Variants in ITFG2 observed in about 807,000 individuals in gnomAD.
ITFG2 encodes the protein integrin alpha FG-GAP repeat containing 2, also known as KICSTOR complex protein ITFG2.
Under a neutral mutation model 54.4 loss-of-function variants are expected in ITFG2, and 36 were observed. The ratio of observed to expected loss-of-function variants is 0.66; its 90% CI spans 0.51 to 0.87. The LOEUF is 0.87. ITFG2 is among the 40% of genes least tolerant of loss of function. The pLI is 0.00. For missense variants in ITFG2, 524 were observed against 576.7 expected (o/e 0.91, Z 0.94); for synonymous variants, 211 against 225.4 (o/e 0.94, Z 0.57).
chr12:2,859,190 G>A, intron 3 of ITFG2: 1 of 1,610,854 alleles, frequency 6.2e-7, no homozygotes, highest in East Asian at 2.2e-5. Context: ...GGTCAGAGGA[G>A]TCTGCTGGGA....
rs2097945656 is a variant in ITFG2, at chr12:2,821,781, C to T, written c.937C>T (p.Leu313=). The stretch of plus-strand genomic sequence containing the variant: ...TCACCAGCTCTTTGCCCTGGAGAAA[C>T]TGGATGTCACCGTGAGTGGAAAACC... ...VDHQLFALEK[L]DVTGNGHEEV... The change falls in exon 9 of 12, where the codon CTG becomes TTG. Residue 313 remains leucine (L), a synonymous_variant. Transcript: ENST00000228799. The T allele has an allele frequency of 6.2e-7, 1 of 1,613,610 alleles. No individual in the cohort carries two copies. The highest frequency in any genetic ancestry group is 8.5e-7 in the Non-Finnish European group (1 of 1,179,582).
intron 2 of ITFG2, among the ~76,000 whole-genome samples, chr12:2,842,468 G>T (rs1034822876): frequency 4.0e-5 from 6 of 151,894 alleles, no homozygotes; most frequent in Non-Finnish European, 8.8e-5. Context: ...TAGGCCGGGT[G>T]TGGTGGCTCA....
intron 2 of ITFG2, chr12:2,817,655 A>G (rs950429793): frequency 3.8e-6 from 2 of 524,186 alleles, no homozygotes; most frequent in Non-Finnish European, 6.7e-6. Flanking sequence ...GCCTAGCTCT[A>G]TTAAATACAG....
At chr12:2,821,413 G>A in intron 7 of ITFG2, 54 bp downstream of exon 7, 1 of 1,551,186 alleles carries the variant, frequency 6.4e-7, no homozygotes, top group Non-Finnish European at 8.8e-7. Flanking sequence ...GTCAGTTCTG[G>A]AGGAGTGGAG....
rs2098051578 is a variant in ITFG2, at chr12:2,845,652, G to T, written n.300+4657G>T. On this transcript the variant is annotated intron_variant and non_coding_transcript_variant, in intron 2 of 3. Transcript: ENST00000537710. The surrounding 1 kb of genome is among the most constrained non-coding windows in gnomAD (Gnocchi z 4.2). The stretch of plus-strand genomic sequence containing the variant: ...GGGGAGTGAAGTATGTGGGGGAAAG[G>T]GGTGTCCATACCTTCACCCCTGCCT... 6.6e-6 allele frequency among the ~76,000 whole-genome samples: 1 copy of T among 152,130 alleles called. No individual in the cohort carries two copies. Among genetic ancestry groups the T allele is most frequent in the Non-Finnish European group, 1.5e-5 (1 of 68,034 alleles).
chr12:2,821,994 T>G (rs1489849885), intron 9 of ITFG2, among the ~76,000 whole-genome samples: 5 of 150,622 alleles, frequency 3.3e-5, no homozygotes, highest in African/African-American at 1.2e-4. Flanking sequence ...AGTGGCATGA[T>G]CTTGGTTCAC....
At position 2,812,694 on chromosome 12, in the gene ITFG2, GC is replaced by G; in HGVS notation, c.-66del. 3.4e-5 allele frequency: 47 copies of G among 1,400,604 alleles called. No individual in the cohort carries two copies. The highest frequency in any genetic ancestry group is 4.7e-5 in the Non-Finnish European group (47 of 990,902). The allele number at this position is 1,400,604 out of a possible 1,614,324, so 86.8% of individuals were successfully genotyped here. Reference sequence around the variant, plus strand: ...CCTTAGGTGGCCTTCCGCTCTGGCGGCTGTCGCGACGGGGGTTCAGGGAATA... The same window carrying G: ...CCTTAGGTGGCCTTCCGCTCTGGCGGTGTCGCGACGGGGGTTCAGGGAATA... On this transcript the variant is annotated 5_prime_UTR_variant, in exon 1 of 12. Transcript: ENST00000228799.
chr12:2,828,148 C>A, downstream of ITFG2: 1 of 1,256,230 alleles, frequency 8.0e-7, no homozygotes, highest in Non-Finnish European at 1.1e-6. Context: ...ATCTCCAACC[C>A]CTGACCTCAC....
At chr12:2,850,330 C>T (rs947364658) in intron 2 of ITFG2, among the ~76,000 whole-genome samples, 1 of 151,882 alleles carries the variant, frequency 6.6e-6, no homozygotes, top group Non-Finnish European at 1.5e-5. Flanking sequence ...AAAAATTAGC[C>T]AGACATGGTG....
At chr12:2,828,509 T>A, downstream of ITFG2, 1 of 929,792 alleles carries the variant, frequency 1.1e-6, no homozygotes, top group Non-Finnish European at 1.7e-6. Context: ...GATTCCCTCC[T>A]AGAAATGAGT....
upstream of ITFG2, chr12:2,834,660 G>T (rs201975553): frequency 5.0e-6 from 8 of 1,601,484 alleles, no homozygotes; most frequent in Non-Finnish European, 8.5e-7. Flanking sequence ...TGGAGGTGCC[G>T]AGCCTCTTGA....
intron 2 of ITFG2, among the ~76,000 whole-genome samples, chr12:2,842,940 T>C (rs1052495884): frequency 2.0e-5 from 3 of 152,286 alleles, no homozygotes; most frequent in Non-Finnish European, 4.4e-5. Context: ...AGAGATGAAC[T>C]GTATCCCACC....
At position 2,845,132 on chromosome 12, in the gene ITFG2, C is replaced by T. The variant is rs539338564; in HGVS notation, n.300+4137C>T. On this transcript the variant is annotated intron_variant and non_coding_transcript_variant, in intron 2 of 3. Coordinates refer to the ITFG2 transcript ENST00000537710. This position sits in a 1 kb window ranked among gnomAD's most constrained non-coding sequence, Gnocchi z 4.2. ...TGTGTGCGGCTCGGTGGCAGCACAA[C>T]TAAGGACAGGGCTCAGTGATGGAAA... Among the ~76,000 whole-genome samples the T allele has an allele frequency of 2.0e-4, 30 of 151,606 alleles. No homozygotes were observed. The South Asian group carries it at 6.1e-3, about 31-fold the overall frequency.
chr12:2,850,677 TG>T (rs1255802903), intron 2 of ITFG2, among the ~76,000 whole-genome samples: 12 of 151,782 alleles, frequency 7.9e-5, no homozygotes, highest in South Asian at 2.1e-4. Flanking sequence ...TGTTTTGTTT[TG>T]TTTTGTTTTG....
intron 4 of ITFG2, among the ~76,000 whole-genome samples, chr12:2,819,307 A>G (rs2097933968): frequency 6.6e-6 from 1 of 152,002 alleles, no homozygotes; most frequent in Admixed American, 6.5e-5. Context: ...TACTAAAAAT[A>G]CAAAAAAAAA....
In ITFG2 at chr12:2,845,260, GTC is replaced by G. The variant is rs917164156; in HGVS notation, n.300+4267_300+4268del. Among the ~76,000 whole-genome samples, 1 of 152,174 alleles carries G rather than the reference GTC, an allele frequency of 6.6e-6. No individual in the cohort carries two copies. The highest frequency in any genetic ancestry group is 2.4e-5 in the African/African-American group (1 of 41,444). Reference sequence around the variant, plus strand: ...CTGGAAAGTGAGTTGGGTGGGGACTGTCTGCAGAGGGGATCTTGGCTCGAGTT... The same window carrying G: ...CTGGAAAGTGAGTTGGGTGGGGACTGTGCAGAGGGGATCTTGGCTCGAGTT... On this transcript the variant is annotated intron_variant and non_coding_transcript_variant, in intron 2 of 3. Transcript: ENST00000537710. This position sits in a 1 kb window ranked among gnomAD's most constrained non-coding sequence, Gnocchi z 4.2.
downstream of ITFG2, chr12:2,827,011 C>T (rs779666100): frequency 5.1e-5 from 72 of 1,405,978 alleles, no homozygotes; most frequent in Admixed American, 9.6e-5. This position sits in a 1 kb window ranked among gnomAD's most constrained non-coding sequence, Gnocchi z 4.0. Context: ...AAAACTCGTC[C>T]TGGGGAGTAG....
intron 1 of ITFG2, among the ~76,000 whole-genome samples, chr12:2,837,403 G>A (rs1169540446): frequency 1.3e-5 from 2 of 152,022 alleles, no homozygotes; most frequent in East Asian, 1.9e-4. Context: ...GCGTGAACCC[G>A]GGAGGTGGAG....
upstream of ITFG2, among the ~76,000 whole-genome samples, chr12:2,834,440 T>C (rs1434054318): frequency 2.0e-5 from 3 of 152,042 alleles, no homozygotes; most frequent in African/African-American, 7.2e-5. Flanking sequence ...AATGAGAGAA[T>C]AGGAACCCTC....
Sources: allele counts gnomAD v4.1 joint callset (sites outside exome capture counted in the v4.1 genomes callset), GRCh38; gene constraint gnomAD v4.1.1; non-coding constraint Gnocchi (gnomAD v3.1); transcripts MANE v1.5; gene names NCBI Gene and HGNC (gene_info 2026-07-23, HGNC 2026-07-21).